The following KANK1 variants were observed in gnomAD, a reference collection of about 807,000 sequenced individuals.
The protein encoded by KANK1 is KN motif and ankyrin repeat domain-containing protein 1.
Under a neutral mutation model 106.2 loss-of-function variants are expected in KANK1, and 109 were observed. The ratio of observed to expected loss-of-function variants is 1.03; its 90% CI spans 0.88 to 1.20. KANK1 has a LOEUF of 1.20. Among genes scored for constraint, KANK1 ranks in the 50% most tolerant of loss-of-function variants. KANK1 has a pLI of 0.00. For synonymous variants in KANK1, 873 were observed against 652.2 expected (o/e 1.34, Z -5.16); for missense variants, 2,399 against 1,710.7 (o/e 1.40, Z -7.10).
Position 711,437 on chromosome 9 carries a change from G to C in KANK1, c.671G>C (p.Ser224Thr). ...TACCAAGGTAATGGGGATTATGGTA[G>C]CTATGCCCCAGCTGCTCCCACCACT... ...NGYQGNGDYG[S>T]YAPAAPTTSS... Residue 224 changes from serine (S) to threonine (T), a missense_variant, in exon 3 of 12, where the codon AGC (serine) becomes ACC (threonine). Ser to Thr is a moderately conservative substitution (Grantham distance 58, BLOSUM62 1). Transcript: ENST00000382297. 1 of 1,614,168 alleles carries C rather than the reference G, an allele frequency of 6.2e-7. No individual in the cohort carries two copies. Among genetic ancestry groups the C allele is most frequent in the South Asian group, 1.1e-5 (1 of 91,078 alleles).
At chr9:673,039 A>G (rs572324448) in intron 1 of KANK1, among the ~76,000 whole-genome samples, 93 of 152,190 alleles carry the variant, frequency 6.1e-4, no homozygotes, top group African/African-American at 2.1e-3. Context: ...GGTTTATACA[A>G]TGCACCGACA....
intron 2 of KANK1, among the ~76,000 whole-genome samples, chr9:683,368 ACATAAACACATAGGTAGGAGCCTGC>A (rs1817942784): frequency 6.6e-6 from 1 of 152,174 alleles, no homozygotes; most frequent in African/African-American, 2.4e-5. Context: ...TAGGAGCCTG[ACATAAACACATAGGTAGGAGCCTGC>A]CATAAGCACG....
At chr9:496,515 C>T (rs2058461357) in intron 3 of KANK1, among the ~76,000 whole-genome samples, 1 of 152,174 alleles carries the variant, frequency 6.6e-6, no homozygotes, top group African/African-American at 2.4e-5. Context: ...TGAGATCGTG[C>T]CACTGCACTC....
intron 1 of KANK1, among the ~76,000 whole-genome samples, chr9:565,726 C>T (rs749389269): frequency 3.9e-5 from 6 of 152,126 alleles, no homozygotes; most frequent in Non-Finnish European, 7.3e-5. Context: ...GTCAAAAATG[C>T]AGCAGTCTGA....
At chr9:701,871 T>A (rs1822758704) in intron 2 of KANK1, among the ~76,000 whole-genome samples, 1 of 152,168 alleles carries the variant, frequency 6.6e-6, no homozygotes. Context: ...CATATAGTAC[T>A]TTATGAATCT....
At chr9:601,366 G>A (rs572182333) in intron 1 of KANK1, among the ~76,000 whole-genome samples, 1 of 151,792 alleles carries the variant, frequency 6.6e-6, no homozygotes, top group Admixed American at 6.5e-5. Context: ...GATCCACATT[G>A]TATTGAGTAG....
At chr9:487,949 C>G (rs1336245663) in intron 3 of KANK1, 1 of 152,102 alleles carries the variant, frequency 6.6e-6, no homozygotes, top group Non-Finnish European at 1.5e-5. Flanking sequence ...CTGCTTCACT[C>G]CCTAGGAAAG....
chr9:723,878 A>G (rs1263419377), intron 3 of KANK1, among the ~76,000 whole-genome samples: 1 of 151,634 alleles, frequency 6.6e-6, no homozygotes, highest in Non-Finnish European at 1.5e-5. Context: ...GGATAGCTTG[A>G]ACCCAGCAGT....
At chr9:500,684 C>T (rs147814991), upstream of KANK1, among the ~76,000 whole-genome samples, 381 of 152,288 alleles carry the variant, frequency 2.5e-3, 5 homozygotes, top group African/African-American at 9.1e-3. Flanking sequence ...ATACTTTATT[C>T]AATTATATTT....
chr9:578,383 A>G (rs184840643), intron 1 of KANK1, among the ~76,000 whole-genome samples: 48 of 152,106 alleles, frequency 3.2e-4, no homozygotes, highest in Non-Finnish European at 5.0e-4. Flanking sequence ...AGGGTAAAAA[A>G]TGAAATATAT....
At chr9:575,189 T>A (rs16920060) in intron 1 of KANK1, among the ~76,000 whole-genome samples, 1 of 152,212 alleles carries the variant, frequency 6.6e-6, no homozygotes, top group Non-Finnish European at 1.5e-5. Flanking sequence ...TGATACTTGG[T>A]AATGTCCTTA....
chr9:503,242 G>C (rs1320666540), upstream of KANK1, among the ~76,000 whole-genome samples: 2 of 151,982 alleles, frequency 1.3e-5, no homozygotes, highest in African/African-American at 2.4e-5. Flanking sequence ...CATTTGGGGC[G>C]GGGTGGTGGT....
chr9:567,936 G>T (rs1818213484), intron 1 of KANK1, among the ~76,000 whole-genome samples: 1 of 151,864 alleles, frequency 6.6e-6, no homozygotes, highest in Non-Finnish European at 1.5e-5. Flanking sequence ...CACCAGCATG[G>T]ACAAAACTTA....
rs1826782269 is a variant in KANK1 at position 713,467 on chromosome 9, AGGT to A, written c.2698+7_2698+9del. ...AACCAGTCTGGGTAAAATCACAGGT[AGGT>A]GGTACCCTGAGGACCTGGGAATGAG... On this transcript the variant is annotated splice_donor_5th_base_variant and intron_variant, in intron 3 of 11. Transcript: ENST00000382297. The A allele has an allele frequency of 6.3e-7, 1 of 1,576,680 alleles. No individual in the cohort carries two copies. The highest frequency in any genetic ancestry group is 1.4e-5 in the African/African-American group (1 of 73,680).
intron 1 of KANK1, among the ~76,000 whole-genome samples, chr9:586,332 G>A (rs562949221): frequency 6.6e-6 from 1 of 152,324 alleles, no homozygotes; most frequent in African/African-American, 2.4e-5. Context: ...TAGGATGAAA[G>A]CAATTTCTCT....
chr9:663,561 G>A (rs992502597), intron 1 of KANK1, among the ~76,000 whole-genome samples: 2 of 152,182 alleles, frequency 1.3e-5, no homozygotes, highest in African/African-American at 4.8e-5. Context: ...TCATTCTGAT[G>A]CTCTTCTTTA....
Position 606,142 on chromosome 9 carries a change from T to TACACACAC in KANK1, c.-83-70715_-83-70708dup, listed in dbSNP as rs3028170. Among the ~76,000 whole-genome samples the TACACACAC allele has an allele frequency of 3.0e-3, 427 of 141,746 alleles. 6 individuals are homozygous for TACACACAC. Among genetic ancestry groups the TACACACAC allele is most frequent in the African/African-American group, 0.01 (378 of 36,192 alleles). 93.0% of individuals were successfully genotyped at this position (141,746 alleles called of 152,430 possible). On this transcript the variant is annotated intron_variant, in intron 1 of 11. Transcript: ENST00000382297. ...TATAGCATTGAATTACACATATTCC[T>TACACACAC]ACACACACACACACACACACACACA...
At chr9:592,049 A>C (rs576393513) in intron 1 of KANK1, among the ~76,000 whole-genome samples, 73 of 151,926 alleles carry the variant, frequency 4.8e-4, no homozygotes, top group Admixed American at 2.7e-3. Context: ...TGTGTTGACC[A>C]CAGCGAGGTC....
chr9:640,738 C>T (rs943278574), intron 1 of KANK1, among the ~76,000 whole-genome samples: 2 of 149,768 alleles, frequency 1.3e-5, no homozygotes, highest in East Asian at 2.0e-4. Context: ...GCTCTGTTGC[C>T]CAGGCTGCAG....
Sources: gnomAD v4.1 joint callset for allele counts (sites outside exome capture counted in the v4.1 genomes callset) on GRCh38, gnomAD v4.1.1 for gene constraint, MANE v1.5 for transcripts, NCBI Gene and HGNC (gene_info 2026-07-23, HGNC 2026-07-21) for gene names.